The following RBFOX1 variants were observed in gnomAD, a reference collection of about 807,000 sequenced individuals.
The protein encoded by RBFOX1 is RNA binding protein fox-1 homolog 1.
In RBFOX1, 8 loss-of-function variants were observed where a neutral mutation model predicts 57.7. The ratio of observed to expected loss-of-function variants is 0.14; its 90% CI spans 0.08 to 0.25. The LOEUF is 0.25. Ranked by LOEUF, RBFOX1 falls within the 10% of genes least tolerant of loss-of-function variation. RBFOX1 has a pLI of 1.00. For missense variants in RBFOX1, 611 were observed against 548.5 expected (o/e 1.11, Z -1.14); for synonymous variants, 326 against 222.4 (o/e 1.47, Z -4.15).
intron 3 of RBFOX1, among the ~76,000 whole-genome samples, chr16:6,865,794 T>G (rs568982139): frequency 1.3e-5 from 2 of 152,198 alleles, no homozygotes; most frequent in African/African-American, 2.4e-5. Context: ...TAAGCAGTAT[T>G]AGATAACAGT....
chr16:6,817,891 C>T (rs2044597079), intron 3 of RBFOX1, among the ~76,000 whole-genome samples: 1 of 152,212 alleles, frequency 6.6e-6, no homozygotes. Flanking sequence ...GAAGGCTTGC[C>T]TCATACCCTG....
intron 4 of RBFOX1, among the ~76,000 whole-genome samples, chr16:7,099,624 G>A (rs2062316531): frequency 6.6e-6 from 1 of 152,124 alleles, no homozygotes; most frequent in Admixed American, 6.5e-5. Flanking sequence ...TGCCCAAGGT[G>A]GTTGGGGTAT....
At chr16:6,320,986 G>T (rs1293799217) in intron 2 of RBFOX1, among the ~76,000 whole-genome samples, 1 of 152,088 alleles carries the variant, frequency 6.6e-6, no homozygotes, top group East Asian at 1.9e-4. Flanking sequence ...TAGAAATGGG[G>T]TTTTGCCATG....
chr16:6,784,794 A>G (rs1490851004), intron 3 of RBFOX1, among the ~76,000 whole-genome samples: 2 of 151,848 alleles, frequency 1.3e-5, no homozygotes, highest in Non-Finnish European at 2.9e-5. Flanking sequence ...GGAATTTTCT[A>G]TTTAGCCATC....
intron 6 of RBFOX1, among the ~76,000 whole-genome samples, chr16:7,582,770 G>C (rs1319218474): frequency 1.3e-5 from 2 of 152,176 alleles, no homozygotes; most frequent in African/African-American, 4.8e-5. Flanking sequence ...GGGGTTTACA[G>C]TGAGGACAAT....
chr16:6,270,543 C>T (rs2075087608), intron 1 of RBFOX1, among the ~76,000 whole-genome samples: 1 of 150,212 alleles, frequency 6.7e-6, no homozygotes, highest in Non-Finnish European at 1.5e-5. Context: ...AATAGCATTC[C>T]TAAATGTGCA....
At chr16:6,984,387 C>G (rs570650905) in intron 3 of RBFOX1, among the ~76,000 whole-genome samples, 2 of 152,258 alleles carry the variant, frequency 1.3e-5, no homozygotes, top group African/African-American at 2.4e-5. Flanking sequence ...TCCTACAGCA[C>G]TACTGAGCAT....
intron 3 of RBFOX1, among the ~76,000 whole-genome samples, chr16:6,780,357 A>ATAGATATATT (rs1567216293): frequency 1.0e-5 from 1 of 100,120 alleles, no homozygotes; most frequent in South Asian, 3.3e-4. Context: ...ATACATATTT[A>ATAGATATATT]TATACATATT....
intron 2 of RBFOX1, among the ~76,000 whole-genome samples, chr16:6,409,259 C>G (rs375177415): frequency 1.3e-5 from 2 of 152,046 alleles, no homozygotes; most frequent in East Asian, 1.9e-4. Flanking sequence ...ACTAAAAATA[C>G]AAAAATTAGC....
intron 2 of RBFOX1, among the ~76,000 whole-genome samples, chr16:5,591,393 A>C (rs892448650): frequency 2.0e-5 from 3 of 151,938 alleles, no homozygotes; most frequent in Non-Finnish European, 4.4e-5. Flanking sequence ...CTGGGACTAC[A>C]GGCACCCACC....
intron 4 of RBFOX1, among the ~76,000 whole-genome samples, chr16:6,003,986 T>C (rs1327320917): frequency 6.6e-6 from 1 of 152,206 alleles, no homozygotes; most frequent in African/African-American, 2.4e-5. Flanking sequence ...TTTGGGTTTA[T>C]TGAGAGTTTA....
intron 3 of RBFOX1, among the ~76,000 whole-genome samples, chr16:7,014,356 T>C (rs561350080): frequency 6.6e-6 from 1 of 152,030 alleles, no homozygotes; most frequent in Non-Finnish European, 1.5e-5. Context: ...AGGATTACAG[T>C]CATGCATCAC....
rs137983012 is a variant in RBFOX1 at position 6,109,315 on chromosome 16, TG to T, written c.-127+89324del. Among the ~76,000 whole-genome samples the T allele has an allele frequency of 6.0e-4, 92 of 152,340 alleles. No individual in the cohort carries two copies. The East Asian group carries it at 0.015, about 25-fold the overall frequency. ...ATATTTATATTTCACTGAATCTTCATGCCGTGTTTCAGGTTTAGCTTCTGTG... is the reference window on the plus strand; with the variant it reads ...ATATTTATATTTCACTGAATCTTCATCCGTGTTTCAGGTTTAGCTTCTGTG... On this transcript the variant is annotated intron_variant, in intron 1 of 15. Transcript: ENST00000550418.
Position 7,296,338 on chromosome 16 carries a change from G to A in RBFOX1, c.28-221809G>A, listed in dbSNP as rs185135637. Among the ~76,000 whole-genome samples the A allele has an allele frequency of 6.0e-5, 9 of 149,448 alleles. No individual in the cohort carries two copies. In the East Asian group the frequency reaches 1.2e-3, roughly 20 times the overall value. On this transcript the variant is annotated intron_variant, in intron 4 of 15. Coordinates refer to ENST00000550418, the MANE Select transcript of RBFOX1 (RefSeq NM_018723.4). ...GCTTATGACAGTAGACAGTGTATGT[G>A]AGTTTATGTGTGTATGTATGAATGT...
At chr16:6,119,145 A>T (rs2096529615) in intron 1 of RBFOX1, among the ~76,000 whole-genome samples, 1 of 151,954 alleles carries the variant, frequency 6.6e-6, no homozygotes, top group African/African-American at 2.4e-5. Flanking sequence ...GGCATTACCT[A>T]CACCATGTTT....
intron 3 of RBFOX1, among the ~76,000 whole-genome samples, chr16:6,873,612 G>C (rs1423864060): frequency 1.3e-5 from 2 of 151,968 alleles, no homozygotes; most frequent in Non-Finnish European, 2.9e-5. Flanking sequence ...GTTTTTACTG[G>C]GATTGTGTAA....
rs1555517298 is a variant in RBFOX1, at chr16:6,127,284, T to TTA, written c.-127+107292_-127+107293insTA. Among the ~76,000 whole-genome samples, 145 of 145,844 alleles carry TTA rather than the reference T, an allele frequency of 9.9e-4. 1 individual carries two copies. The highest frequency in any genetic ancestry group is 3.4e-3 in the African/African-American group (134 of 39,764). On this transcript the variant is annotated intron_variant, in intron 1 of 15. Coordinates refer to ENST00000550418, the MANE Select transcript of RBFOX1 (RefSeq NM_018723.4). ...AGATTATTTTGTCTCTCTCTTTTTT[T>TTA]AAAAAAAAAAAAAATTGTTTTCCAG...
Position 7,113,645 on chromosome 16 carries a change from A to C in RBFOX1, c.27+61547A>C, listed in dbSNP as rs931287325. Among the ~76,000 whole-genome samples the C allele has an allele frequency of 5.9e-5, 9 of 152,336 alleles. No homozygotes were observed. The South Asian group carries it at 8.3e-4, about 14-fold the overall frequency. ...AATACTACACAGTGTCTTCTGACTC[A>C]ATATCCTTCCACCCAAGAAACACAT... is the stretch of plus-strand genomic sequence containing the variant. On this transcript the variant is annotated intron_variant, in intron 4 of 15. Transcript: ENST00000550418.
intron 3 of RBFOX1, among the ~76,000 whole-genome samples, chr16:6,656,901 AACTCTCCTCTCCTCC>A (rs2098658500): frequency 2.9e-5 from 1 of 35,056 alleles, no homozygotes. Flanking sequence ...TCCTCCCCTC[AACTCTCCTCTCCTCC>A]CCTCTCCTCT....
Sources: gnomAD v4.1 joint callset for allele counts (sites outside exome capture counted in the v4.1 genomes callset) on GRCh38, gnomAD v4.1.1 for gene constraint, MANE v1.5 for transcripts, NCBI Gene and HGNC (gene_info 2026-07-23, HGNC 2026-07-21) for gene names.